Variants in EDN3 observed in about 807,000 individuals in gnomAD.
EDN3 encodes the protein endothelin-3.
EDN3 carries 9 observed loss-of-function variants against 21.4 expected under a neutral mutation model. The observed-to-expected ratio is 0.42, with a 90% CI of 0.25 to 0.73. The LOEUF (loss-of-function observed/expected upper bound fraction) is 0.73. EDN3 is among the 30% of genes least tolerant of loss of function. The pLI, the probability that EDN3 is intolerant of heterozygous loss-of-function variation, is 0.26. For missense variants in EDN3, 327 were observed against 309.4 expected, an observed-to-expected ratio of 1.06 and a Z score of -0.43; for synonymous variants, 133 against 126.2, an observed-to-expected ratio of 1.05 and a Z score of -0.36.
chr20:59,309,546 T>C lies in EDN3; in HGVS notation c.365+7824T>C, dbSNP rs191280443. ...GAGACGGGCATGTGAAAGAAGAGGG[T>C]GTTGGCCAGATTAAAAGGGACCCTG... On this transcript the variant is annotated intron_variant, in intron 2 of 4. Coordinates refer to ENST00000337938, the MANE Select transcript of EDN3 (RefSeq NM_207034.3). Among the ~76,000 whole-genome samples, 390 of 152,094 alleles carry C rather than the reference T, an allele frequency of 2.6e-3. 11 individuals are homozygous for C. The highest frequency in any genetic ancestry group is 0.02 in the Admixed American group (308 of 15,274).
At chr20:59,313,983 T>C (rs556594446) in intron 2 of EDN3, among the ~76,000 whole-genome samples, 76 of 152,230 alleles carry the variant, frequency 5.0e-4, no homozygotes, top group Non-Finnish European at 9.9e-4. Context: ...ATAAGTTCAG[T>C]AGAGGACGAA....
Position 59,301,387 on chromosome 20 carries a change from GCCCC to G in EDN3, c.53-22_53-19del. The stretch of plus-strand genomic sequence containing the variant: ...AGGGGTCTGCACACTCAGCTTAGGA[GCCCC>G]TCAATCTGCCTTCTGCAGGATTCGT... On this transcript the variant is annotated intron_variant, in intron 1 of 4. Transcript: ENST00000337938. 6.2e-7 allele frequency: 1 copy of G among 1,603,826 alleles called. No homozygotes were observed. The highest frequency in any genetic ancestry group is 8.5e-7 in the Non-Finnish European group (1 of 1,179,858).
chr20:59,319,304 C>T (rs576331861), intron 2 of EDN3, among the ~76,000 whole-genome samples: 5 of 152,312 alleles, frequency 3.3e-5, no homozygotes, highest in African/African-American at 1.2e-4. Context: ...GGGGGACTCC[C>T]TCCAAGCCTT....
In EDN3 at chr20:59,325,615, G is replaced by T. The variant is rs901835869; in HGVS notation, c.*1156G>T. ...CTTGACCAAATGTTAAATCCTCTGT[G>T]TGTATTTCATAAGTTATTACAGGTA... On this transcript the variant is annotated 3_prime_UTR_variant, in exon 5 of 5. Transcript: ENST00000337938. 2 of 151,944 alleles carry T rather than the reference G, an allele frequency of 1.3e-5. No individual in the cohort carries two copies. Among genetic ancestry groups the T allele is most frequent in the African/African-American group, 4.9e-5 (2 of 41,206 alleles). The allele number at this position is 151,944 out of a possible 1,614,324, so 9.4% of individuals were successfully genotyped here. A position where few individuals can be genotyped will look rare whatever the true frequency, so the allele number is the denominator to read the frequency against.
At position 59,324,537 on chromosome 20, in the gene EDN3, T is replaced by C; in HGVS notation, c.*78T>C. ...CACAGTTCAGATTTCCACCTCTTTA[T>C]AGACAAGAAGTGAATTTGCCTGGGG... On this transcript the variant is annotated 3_prime_UTR_variant, in exon 5 of 5. Coordinates refer to ENST00000337938, the MANE Select transcript of EDN3 (RefSeq NM_207034.3). 1 of 1,599,254 alleles carries C rather than the reference T, an allele frequency of 6.3e-7. No individual in the cohort carries two copies. Among genetic ancestry groups the C allele is most frequent in the Non-Finnish European group, 8.6e-7 (1 of 1,168,644 alleles).
chr20:59,308,984 G>A (rs993488929), intron 2 of EDN3, among the ~76,000 whole-genome samples: 1 of 152,212 alleles, frequency 6.6e-6, no homozygotes, highest in Non-Finnish European at 1.5e-5. Context: ...CTGGGAAAAG[G>A]TGTGCCTGGC....
At chr20:59,317,031 A>T (rs989146260) in intron 2 of EDN3, among the ~76,000 whole-genome samples, 12 of 152,264 alleles carry the variant, frequency 7.9e-5, no homozygotes, top group African/African-American at 2.9e-4. Flanking sequence ...GTTGTATTAT[A>T]GAGCGGTAGG....
chr20:59,318,859 T>C (rs1990354522), intron 2 of EDN3, among the ~76,000 whole-genome samples: 1 of 152,228 alleles, frequency 6.6e-6, no homozygotes, highest in Non-Finnish European at 1.5e-5. Flanking sequence ...ATTGCAGGTC[T>C]CACTATTGAT....
In EDN3 at chr20:59,323,413, C is replaced by T. The variant is rs11570346; in HGVS notation, c.589-918C>T. Among the ~76,000 whole-genome samples, 113 of 152,244 alleles carry T rather than the reference C, an allele frequency of 7.4e-4. No individual in the cohort carries two copies. The East Asian group carries it at 0.017, about 23-fold the overall frequency. Reference sequence around the variant, plus strand: ...CCATCCATTGCATCATTTATTCATTCGCTTATGCATTCGTTCAGCAAAGAC... The same window carrying T: ...CCATCCATTGCATCATTTATTCATTTGCTTATGCATTCGTTCAGCAAAGAC... On this transcript the variant is annotated intron_variant, in intron 4 of 4. Transcript: ENST00000337938.
At position 59,324,407 on chromosome 20, in the gene EDN3, C is replaced by T. The variant is rs1163140220; in HGVS notation, c.665C>T (p.Ala222Val). Reference sequence around the variant, plus strand: ...AAGCTCATGCCCGGCAGTGGACTCGCCCTCGCTCCATCTACCTGCCCCCGC... The same window carrying T: ...AAGCTCATGCCCGGCAGTGGACTCGTCCTCGCTCCATCTACCTGCCCCCGC... ...HPKLMPGSGL[A>V]LAPSTCPRCL... is the part of the protein sequence containing the mutation. The change falls in exon 5 of 5, where the codon GCC becomes GTC. Residue 222 changes from alanine (A) to valine (V), a missense_variant. Transcript: ENST00000337938. 12 of 1,614,196 alleles carry T rather than the reference C, an allele frequency of 7.4e-6. No individual in the cohort carries two copies. Among genetic ancestry groups the T allele is most frequent in the Non-Finnish European group, 1.0e-5 (12 of 1,180,030 alleles).
Position 59,301,573 on chromosome 20 carries a change from G to C in EDN3, c.216G>C (p.Gln72His). The C allele has an allele frequency of 6.2e-7, 1 of 1,613,864 alleles. No homozygotes were observed. The highest frequency in any genetic ancestry group is 1.7e-5 in the Admixed American group (1 of 60,018). The part of the protein sequence containing the change: ...GEGTVAPTAL[Q>H]GPSPGSPGQE... ...GGACTGTGGCCCCGACAGCACTGCA[G>C]GGTCCAAGCCCTGGAAGCCCTGGGC... Residue 72 changes from glutamine (Q) to histidine (H), a missense_variant, in exon 2 of 5, where the codon CAG (glutamine) becomes CAC (histidine). Transcript: ENST00000337938.
intron 3 of EDN3, 59 bp downstream of exon 3, chr20:59,321,252 C>T: frequency 1.9e-6 from 3 of 1,575,794 alleles, no homozygotes; most frequent in Non-Finnish European, 2.6e-6. Flanking sequence ...TCGGCAAGGC[C>T]AGGCCAGGGG....
intron 2 of EDN3, among the ~76,000 whole-genome samples, chr20:59,309,453 C>T (rs1989649699): frequency 6.6e-6 from 1 of 152,132 alleles, no homozygotes; most frequent in African/African-American, 2.4e-5. Context: ...AACTGGGAGT[C>T]ACCAGGAAGC....
rs1414492895 is a variant in EDN3 at position 59,300,869 on chromosome 20, G to A, written c.52+5G>A. The A allele has an allele frequency of 6.2e-7, 1 of 1,610,562 alleles. No homozygotes were observed. The highest frequency in any genetic ancestry group is 1.7e-5 in the Admixed American group (1 of 59,958). On this transcript the variant is annotated splice_donor_5th_base_variant and intron_variant, in intron 1 of 4. Transcript: ENST00000337938. The stretch of plus-strand genomic sequence containing the variant: ...TCACAGTGACCTCCGCCGCAGGTAA[G>A]CGCACGGGGCGGCGCGCCTCTCCTG...
intron 4 of EDN3, 36 bp from the exon 5 acceptor site, chr20:59,324,291 CCTTT>C (rs1568847162): frequency 1.2e-6 from 2 of 1,613,726 alleles, no homozygotes; most frequent in Admixed American, 3.3e-5. Flanking sequence ...TCATAACATA[CCTTT>C]CTTTTTTTTT....
At chr20:59,300,986 A>C in intron 1 of EDN3, 122 bp downstream of exon 1, 1 of 1,163,024 alleles carries the variant, frequency 8.6e-7, no homozygotes, top group Non-Finnish European at 1.2e-6. Context: ...TGGGCTCTGC[A>C]CTCGTGAAGA....
At chr20:59,313,693 G>A (rs1989986115) in intron 2 of EDN3, among the ~76,000 whole-genome samples, 1 of 152,216 alleles carries the variant, frequency 6.6e-6, no homozygotes, top group Admixed American at 6.5e-5. Flanking sequence ...TCTGCCTTGG[G>A]TCCTCCCAAC....
intron 2 of EDN3, among the ~76,000 whole-genome samples, chr20:59,316,311 C>T (rs536466908): frequency 6.6e-6 from 1 of 152,184 alleles, no homozygotes; most frequent in Non-Finnish European, 1.5e-5. Context: ...TCTGTCTTTA[C>T]ATAAGTTTTA....
At position 59,322,563 on chromosome 20, in the gene EDN3, A is replaced by T; in HGVS notation, c.588+146A>T. 9.1e-7 allele frequency: 1 copy of T among 1,094,564 alleles called. No homozygotes were observed. 67.8% of individuals were successfully genotyped at this position (1,094,564 alleles called of 1,614,324 possible). A position where few individuals can be genotyped will look rare whatever the true frequency, so the allele number is the denominator to read the frequency against. On this transcript the variant is annotated intron_variant, in intron 4 of 4. Transcript: ENST00000337938. The surrounding 1 kb of genome is among the most constrained non-coding windows in gnomAD (Gnocchi z 4.1). ...AGATCTCATGGGATGCTGCACCCAC[A>T]AGCAATGGTGCCTTTGGTGGACCGT...
Sources: allele counts gnomAD v4.1 joint callset (sites outside exome capture counted in the v4.1 genomes callset), GRCh38; gene constraint gnomAD v4.1.1; non-coding constraint Gnocchi (gnomAD v3.1); transcripts MANE v1.5; gene names NCBI Gene and HGNC (gene_info 2026-07-23, HGNC 2026-07-21).